LRP1B: variants seen among roughly 807,000 people sequenced by gnomAD.
LRP1B encodes the protein LDL receptor related protein 1B, also known as low-density lipoprotein receptor-related protein 1B.
Under a neutral mutation model 556.6 loss-of-function variants are expected in LRP1B, and 217 were observed. The observed-to-expected ratio is 0.39, with a 90% CI of 0.35 to 0.44. The LOEUF (loss-of-function observed/expected upper bound fraction) is 0.44. LRP1B is among the 20% of genes least tolerant of loss of function. The probability of loss-of-function intolerance (pLI) is 1.00; values close to 1 mark genes in which losing one functional copy is unlikely to be tolerated. For missense variants in LRP1B, 5,053 were observed against 5,620.8 expected (o/e 0.90, Z 3.23); for synonymous variants, 2,047 against 1,865.8 (o/e 1.10, Z -2.50).
In LRP1B at chr2:141,959,654, T is replaced by C. The variant is rs530444233; in HGVS notation, c.83-149253A>G. On this transcript the variant is annotated intron_variant, in intron 1 of 90. Transcript: ENST00000389484. The stretch of plus-strand genomic sequence containing the variant: ...AAATTAACTTTAAAATGTATTTTAT[T>C]TAATAAAATACATTTAAAATATTAT... Among the ~76,000 whole-genome samples, 4 of 152,088 alleles carry C rather than the reference T, an allele frequency of 2.6e-5. No individual in the cohort carries two copies. The East Asian group carries it at 5.8e-4, about 22-fold the overall frequency.
chr2:141,569,072 C>A (rs561844022), intron 2 of LRP1B, among the ~76,000 whole-genome samples: 1 of 150,998 alleles, frequency 6.6e-6, no homozygotes, highest in African/African-American at 2.4e-5. Flanking sequence ...CCGGCCATCA[C>A]ATTTATTTGG....
chr2:140,780,962 C>G (rs1005989837), intron 32 of LRP1B, among the ~76,000 whole-genome samples: 4 of 152,104 alleles, frequency 2.6e-5, no homozygotes, highest in Non-Finnish European at 4.4e-5. Context: ...CAACCTCACC[C>G]TTTTGTGGCT....
chr2:140,365,203 A>C (rs912979694), intron 71 of LRP1B, among the ~76,000 whole-genome samples: 1 of 151,640 alleles, frequency 6.6e-6, no homozygotes, highest in African/African-American at 2.4e-5. Context: ...GCTGTATCTG[A>C]AATACTGATA....
chr2:141,704,490 T>A (rs138870145), intron 2 of LRP1B, among the ~76,000 whole-genome samples: 1 of 151,936 alleles, frequency 6.6e-6, no homozygotes, highest in Non-Finnish European at 1.5e-5. Context: ...AAATTTAAGA[T>A]TTCAACTTTC....
intron 3 of LRP1B, among the ~76,000 whole-genome samples, chr2:141,449,979 T>G (rs1681354994): frequency 6.6e-6 from 1 of 152,186 alleles, no homozygotes; most frequent in Non-Finnish European, 1.5e-5. Flanking sequence ...CATTGTCAAA[T>G]GTTCTTTGAG....
At chr2:142,055,420 G>C (rs534572065) in intron 1 of LRP1B, among the ~76,000 whole-genome samples, 5 of 152,094 alleles carry the variant, frequency 3.3e-5, no homozygotes, top group Non-Finnish European at 7.4e-5. Context: ...AAGAGGTAAA[G>C]ATTAAGAGAA....
rs959781693 is a variant in LRP1B, at chr2:140,231,561, TAAAC to T, written c.*1621_*1624del. 7 of 151,776 alleles carry T rather than the reference TAAAC, an allele frequency of 4.6e-5. No homozygotes were observed. The highest frequency in any genetic ancestry group is 1.5e-4 in the African/African-American group (6 of 41,344). 9.4% of individuals were successfully genotyped at this position (151,776 alleles called of 1,614,324 possible). On this transcript the variant is annotated 3_prime_UTR_variant, in exon 91 of 91. Coordinates refer to ENST00000389484, the MANE Select transcript of LRP1B (RefSeq NM_018557.3). Reference sequence around the variant, plus strand: ...TACTGTTCAATTTAAAAAATGTACTTAAACAAGAACCTGAAAAAGTTTATGATAT... The same window carrying T: ...TACTGTTCAATTTAAAAAATGTACTTAAGAACCTGAAAAAGTTTATGATAT...
chr2:141,183,221 C>T lies in LRP1B; in HGVS notation c.1013+5200G>A, dbSNP rs180962851. 7.9e-4 allele frequency among the ~76,000 whole-genome samples: 120 copies of T among 152,096 alleles called. 1 individual carries two copies. Among genetic ancestry groups the T allele is most frequent in the Admixed American group, 7.9e-3 (120 of 15,252 alleles). ...TGACAGTATCAGCTTGGAACCTGTGCCTGCTCAGGGAGCCACCTAACAGAA... is the reference window on the plus strand; with the variant it reads ...TGACAGTATCAGCTTGGAACCTGTGTCTGCTCAGGGAGCCACCTAACAGAA... On this transcript the variant is annotated intron_variant, in intron 7 of 90. Transcript: ENST00000389484.
At chr2:140,851,862 C>CA in intron 27 of LRP1B, 79 bp from the exon 28 acceptor site, 1 of 1,346,768 alleles carries the variant, frequency 7.4e-7, no homozygotes, top group Non-Finnish European at 1.0e-6. Flanking sequence ...AGGGGTTATT[C>CA]ACCTAATGAT....
chr2:141,435,361 G>C (rs1019237348), intron 3 of LRP1B, among the ~76,000 whole-genome samples: 1 of 148,938 alleles, frequency 6.7e-6, no homozygotes, highest in Non-Finnish European at 1.5e-5. Flanking sequence ...AGAGTTGGCT[G>C]TTATCATGGC....
chr2:141,732,390 C>T (rs1693307626), intron 2 of LRP1B, among the ~76,000 whole-genome samples: 1 of 151,796 alleles, frequency 6.6e-6, no homozygotes, highest in South Asian at 2.1e-4. Flanking sequence ...AGACATGCTT[C>T]TAGTTCATTT....
intron 2 of LRP1B, among the ~76,000 whole-genome samples, chr2:141,795,486 T>C (rs1451885614): frequency 6.6e-6 from 1 of 152,102 alleles, no homozygotes; most frequent in Non-Finnish European, 1.5e-5. Flanking sequence ...ATTTTAAGTT[T>C]AGAAATTTAG....
At chr2:140,879,497 T>C (rs1363776619) in intron 25 of LRP1B, among the ~76,000 whole-genome samples, 2 of 152,150 alleles carry the variant, frequency 1.3e-5, no homozygotes, top group Admixed American at 1.3e-4. Flanking sequence ...AATAACATGT[T>C]ATAGAATTAG....
In LRP1B at chr2:141,778,977, T is replaced by G. The variant is rs565444982; in HGVS notation, c.205+31302A>C. 7.9e-5 allele frequency among the ~76,000 whole-genome samples: 12 copies of G among 152,336 alleles called. No individual in the cohort carries two copies. The East Asian group carries it at 2.3e-3, about 29-fold the overall frequency. ...AAAAAGATTTCATAGCCATTATGTCTTACTATACCTCAGTACGCCAGGTTC... is the reference window on the plus strand; with the variant it reads ...AAAAAGATTTCATAGCCATTATGTCGTACTATACCTCAGTACGCCAGGTTC... On this transcript the variant is annotated intron_variant, in intron 2 of 90. Coordinates refer to ENST00000389484, the MANE Select transcript of LRP1B (RefSeq NM_018557.3).
At chr2:141,575,988 G>T (rs1313371922) in intron 2 of LRP1B, among the ~76,000 whole-genome samples, 5 of 152,162 alleles carry the variant, frequency 3.3e-5, no homozygotes, top group Admixed American at 3.3e-4. Context: ...TACACTGTTG[G>T]TGGGAATGTA....
intron 84 of LRP1B, among the ~76,000 whole-genome samples, chr2:140,294,710 T>C (rs1300975882): frequency 6.6e-6 from 1 of 152,124 alleles, no homozygotes; most frequent in African/African-American, 2.4e-5. Context: ...AGTGTTGTCC[T>C]TCATTTGCAT....
At chr2:140,980,414 C>T (rs889351978) in intron 18 of LRP1B, among the ~76,000 whole-genome samples, 5 of 152,160 alleles carry the variant, frequency 3.3e-5, no homozygotes, top group African/African-American at 4.8e-5. Flanking sequence ...GCTCAACCCA[C>T]TTTATTGGTC....
At chr2:140,317,272 A>G (rs1036043889) in intron 82 of LRP1B, among the ~76,000 whole-genome samples, 3 of 152,166 alleles carry the variant, frequency 2.0e-5, no homozygotes, top group African/African-American at 7.2e-5. Context: ...GCAGCTTAAA[A>G]AAGCAGGGAG....
At chr2:141,855,982 A>T (rs995796571) in intron 1 of LRP1B, among the ~76,000 whole-genome samples, 5 of 152,286 alleles carry the variant, frequency 3.3e-5, no homozygotes, top group Non-Finnish European at 7.4e-5. Flanking sequence ...CACCAATATT[A>T]ATAGCATGAA....
Sources: gnomAD v4.1 joint callset for allele counts (sites outside exome capture counted in the v4.1 genomes callset) on GRCh38, gnomAD v4.1.1 for gene constraint, MANE v1.5 for transcripts, NCBI Gene and HGNC (gene_info 2026-07-23, HGNC 2026-07-21) for gene names.